The following FRA10AC1 variants were observed in gnomAD, a reference collection of about 807,000 sequenced individuals.
The protein encoded by FRA10AC1 is protein FRA10AC1.
FRA10AC1 carries 43 observed loss-of-function variants against 56.5 expected under a neutral mutation model. That is an observed-to-expected ratio of 0.76 (90% CI 0.60 to 0.98). FRA10AC1 has a LOEUF of 0.98. Among genes scored for constraint, FRA10AC1 ranks in the 50% least tolerant of loss-of-function variants. The pLI is 0.00. For synonymous variants in FRA10AC1, 112 were observed against 110.5 expected, an observed-to-expected ratio of 1.01 and a Z score of -0.09; for missense variants, 346 against 351.8, an observed-to-expected ratio of 0.98 and a Z score of 0.13.
Position 93,685,115 on chromosome 10 carries a change from G to A in FRA10AC1, c.625+131C>T, listed in dbSNP as rs1043338689. ...GCTGAAAAGTTCTTTGAGACTTTGG[G>A]AAGCTCCAAGAAAAAAGAGCACTTC... On this transcript the variant is annotated intron_variant, in intron 9 of 13. Transcript: ENST00000359204. The A allele has an allele frequency of 4.8e-5, 28 of 578,610 alleles. No individual in the cohort carries two copies. In the African/African-American group the frequency reaches 5.2e-4, roughly 11 times the overall value. 35.8% of individuals were successfully genotyped at this position (578,610 alleles called of 1,614,324 possible).
intron 12 of FRA10AC1, chr10:93,672,261 T>C (rs1441115869): frequency 4.5e-6 from 1 of 220,580 alleles, no homozygotes; most frequent in African/African-American, 2.4e-5. Context: ...ACTGAATCTA[T>C]TCTGACACCA....
chr10:93,685,718 T>A (rs1456514310), intron 8 of FRA10AC1, among the ~76,000 whole-genome samples: 1 of 151,136 alleles, frequency 6.6e-6, no homozygotes, highest in African/African-American at 2.4e-5. Flanking sequence ...AAAAACAACA[T>A]ACTCACAAAT....
At position 93,670,787 on chromosome 10, in the gene FRA10AC1, C is replaced by T. The variant is rs761040858; in HGVS notation, c.888G>A (p.Glu296=). ...ESELWKGPLP[E]TDEKSQEEEF... ...GCACTTACTGTGATTTTTCATCTGTCTCTGGTAGTGGACCCTTCCAAAGTT... is the reference window on the plus strand; with the variant it reads ...GCACTTACTGTGATTTTTCATCTGTTTCTGGTAGTGGACCCTTCCAAAGTT... The change falls in exon 13 of 14, where the codon GAG becomes GAA. Residue 296 remains glutamate (E), a synonymous_variant. Coordinates refer to ENST00000359204, the MANE Select transcript of FRA10AC1 (RefSeq NM_145246.5). 32 of 1,608,088 alleles carry T rather than the reference C, an allele frequency of 2.0e-5. No homozygotes were observed. The highest frequency in any genetic ancestry group is 2.5e-5 in the Non-Finnish European group (29 of 1,175,050).
In FRA10AC1 at chr10:93,676,661, G is replaced by A; in HGVS notation, c.818C>T (p.Ser273Phe). 1 of 1,563,410 alleles carries A rather than the reference G, an allele frequency of 6.4e-7. No individual in the cohort carries two copies. The highest frequency in any genetic ancestry group is 2.3e-5 in the East Asian group (1 of 42,678). Residue 273 changes from serine to phenylalanine, a missense_variant, in exon 12 of 14, where the codon TCT becomes TTT. By Grantham distance (155) the Ser-to-Phe change is radical. Transcript: ENST00000359204. ...AAACACTTGTTACTTACTAAGTAGA[G>A]AATCTTCAGATTTCTTTGAAGATGA... ...GHSSSKKSEDSLLRNSDEEES... is the reference protein window; with the variant it reads ...GHSSSKKSEDFLLRNSDEEES...
rs112527781 is a variant in FRA10AC1, at chr10:93,689,776, G to A, written c.465+2233C>T. 7.0e-3 allele frequency among the ~76,000 whole-genome samples: 1,068 copies of A among 152,240 alleles called. 16 individuals carry two copies. The highest frequency in any genetic ancestry group is 0.023 in the African/African-American group (945 of 41,554). ...TTGGATTAAAGCTGAAGTTATTCAG[G>A]ATTTGGTGCTGAGCCTCCTTTTCTT... On this transcript the variant is annotated intron_variant, in intron 7 of 13. Transcript: ENST00000359204.
intron 4 of FRA10AC1, among the ~76,000 whole-genome samples, chr10:93,696,725 C>T (rs1161320497): frequency 6.6e-6 from 1 of 152,092 alleles, no homozygotes; most frequent in East Asian, 1.9e-4. Context: ...CAATGATAGA[C>T]CAGATAAAGA....
Position 93,694,834 on chromosome 10 carries a change from C to G in FRA10AC1, c.296+27G>C, listed in dbSNP as rs369506364. 5.8e-6 allele frequency: 8 copies of G among 1,369,976 alleles called. No homozygotes were observed. The East Asian group carries it at 7.0e-5, about 12-fold the overall frequency. 84.9% of individuals were successfully genotyped at this position (1,369,976 alleles called of 1,614,324 possible). A position where few individuals can be genotyped will look rare whatever the true frequency, so the allele number is the denominator to read the frequency against. ...TAAAGTTTCCCATAACCCACATTCC[C>G]TTCTATGTAAACTTCCTGATACTTA... On this transcript the variant is annotated intron_variant, in intron 5 of 13. Coordinates refer to ENST00000359204, the MANE Select transcript of FRA10AC1 (RefSeq NM_145246.5).
chr10:93,699,932 A>G (rs1419768248), intron 2 of FRA10AC1, 98 bp downstream of exon 2: 1 of 684,772 alleles, frequency 1.5e-6, no homozygotes, highest in Admixed American at 2.8e-5. Context: ...TTGTCTTCAC[A>G]TGTAAACAGA....
At position 93,702,392 on chromosome 10, in the gene FRA10AC1, G is replaced by T. The variant is rs536517380; in HGVS notation, c.-18C>A. The T allele has an allele frequency of 1.8e-5, 3 of 162,308 alleles. No homozygotes were observed. The allele number at this position is 162,308 out of a possible 1,614,324, so 10.1% of individuals were successfully genotyped here. A position where few individuals can be genotyped will look rare whatever the true frequency, so the allele number is the denominator to read the frequency against. ...TCACACACCCTTTCCCTTCCTCCCTGTGTGCCAAGTTCGCCCCCGGAGTCG... is the reference window on the plus strand; with the variant it reads ...TCACACACCCTTTCCCTTCCTCCCTTTGTGCCAAGTTCGCCCCCGGAGTCG... On this transcript the variant is annotated 5_prime_UTR_variant, in exon 1 of 14. Coordinates refer to ENST00000359204, the MANE Select transcript of FRA10AC1 (RefSeq NM_145246.5).
rs902314837 is a variant in FRA10AC1, at chr10:93,669,510, T to C, written c.*316A>G. On this transcript the variant is annotated 3_prime_UTR_variant, in exon 14 of 14. Transcript: ENST00000359204. ...AATAATGAAGGCAAGAGAAGATACA[T>C]AATGAAGGCAGTGAAAAAAAACCTA... The C allele has an allele frequency of 2.1e-5, 5 of 242,848 alleles. No individual in the cohort carries two copies. Among genetic ancestry groups the C allele is most frequent in the Non-Finnish European group, 3.9e-5 (5 of 128,728 alleles). The allele number at this position is 242,848 out of a possible 1,614,324, so 15.0% of individuals were successfully genotyped here. A position where few individuals can be genotyped will look rare whatever the true frequency, so the allele number is the denominator to read the frequency against.
At chr10:93,672,973 T>C (rs2058788121) in intron 12 of FRA10AC1, 1 of 171,894 alleles carries the variant, frequency 5.8e-6, no homozygotes, top group Admixed American at 6.1e-5. Context: ...TATTCAGTGA[T>C]TATTGGTAAG....
At chr10:93,688,064 T>C (rs542450198) in intron 7 of FRA10AC1, 2 of 152,256 alleles carry the variant, frequency 1.3e-5, no homozygotes, top group East Asian at 3.9e-4. Context: ...AACCTAAATA[T>C]AGATGTTTAC....
intron 2 of FRA10AC1, among the ~76,000 whole-genome samples, chr10:93,699,328 AAAT>A (rs1416459560): frequency 6.6e-6 from 1 of 152,182 alleles, no homozygotes; most frequent in Non-Finnish European, 1.5e-5. Flanking sequence ...TCTCAGTGTG[AAAT>A]AATAAGCCAA....
At chr10:93,677,486 C>A (rs1364628320) in intron 11 of FRA10AC1, among the ~76,000 whole-genome samples, 1 of 152,090 alleles carries the variant, frequency 6.6e-6, no homozygotes, top group Non-Finnish European at 1.5e-5. Context: ...GAACATGATA[C>A]CTGCTTCCCA....
chr10:93,685,979 C>T (rs2059020334), intron 8 of FRA10AC1, among the ~76,000 whole-genome samples: 2 of 151,902 alleles, frequency 1.3e-5, no homozygotes, highest in East Asian at 1.9e-4. Context: ...ACATCACACA[C>T]ATTACCATGT....
intron 13 of FRA10AC1, among the ~76,000 whole-genome samples, 177 bp from the exon 14 acceptor site, chr10:93,670,045 A>G (rs1285591730): frequency 1.3e-5 from 2 of 152,180 alleles, no homozygotes; most frequent in East Asian, 1.9e-4. Context: ...TAGAATAATC[A>G]TAACTATACC....
intron 7 of FRA10AC1, among the ~76,000 whole-genome samples, chr10:93,688,316 G>A (rs897849341): frequency 6.6e-6 from 1 of 152,184 alleles, no homozygotes; most frequent in African/African-American, 2.4e-5. Context: ...AAACTATGGA[G>A]GAAGTAGCAA....
chr10:93,690,033 G>A (rs1323728499), intron 7 of FRA10AC1, among the ~76,000 whole-genome samples: 1 of 152,166 alleles, frequency 6.6e-6, no homozygotes, highest in Non-Finnish European at 1.5e-5. Context: ...AGGAATAGGA[G>A]TAAGAGGCAA....
chr10:93,668,220 T>C lies in FRA10AC1; in HGVS notation c.*1606A>G, dbSNP rs1341441311. ...AAATAGTATATCTTCAATAAAATACTTGCTTATGTTCAGTTCATTTTCTAT... is the reference window on the plus strand; with the variant it reads ...AAATAGTATATCTTCAATAAAATACCTGCTTATGTTCAGTTCATTTTCTAT... On this transcript the variant is annotated 3_prime_UTR_variant, in exon 14 of 14. Transcript: ENST00000359204. 1 of 152,224 alleles carries C rather than the reference T, an allele frequency of 6.6e-6. No homozygotes were observed. The highest frequency in any genetic ancestry group is 6.5e-5 in the Admixed American group (1 of 15,276). The allele number at this position is 152,224 out of a possible 1,614,324, so 9.4% of individuals were successfully genotyped here. A position where few individuals can be genotyped will look rare whatever the true frequency, so the allele number is the denominator to read the frequency against.
Sources: gnomAD v4.1 joint callset for allele counts (sites outside exome capture counted in the v4.1 genomes callset) on GRCh38, gnomAD v4.1.1 for gene constraint, MANE v1.5 for transcripts, NCBI Gene and HGNC (gene_info 2026-07-23, HGNC 2026-07-21) for gene names.